Variants in PLEKHA2 observed in about 807,000 individuals in gnomAD.
PLEKHA2 encodes pleckstrin homology domain containing A2, also known as pleckstrin homology domain-containing family A member 2.
A neutral mutation model predicts 53.2 loss-of-function variants in PLEKHA2; 28 were observed. That is an observed-to-expected ratio of 0.53 (90% confidence interval 0.39 to 0.72). The LOEUF (loss-of-function observed/expected upper bound fraction) is 0.72. Among genes scored for constraint, PLEKHA2 ranks in the 30% least tolerant of loss-of-function variants. PLEKHA2 has a pLI of 0.00. For missense variants in PLEKHA2, 426 were observed against 537.9 expected (o/e 0.79, Z 2.06); for synonymous variants, 193 against 196.4 (o/e 0.98, Z 0.14).
In PLEKHA2 at chr8:38,969,797, CATGG is replaced by C; in HGVS notation, c.*15_*18del. On this transcript the variant is annotated 3_prime_UTR_variant, in exon 12 of 12. Transcript: ENST00000617275. The stretch of plus-strand genomic sequence containing the variant: ...TCTGATGTGTGATGGAGCACAGTGC[CATGG>C]GAGGGAGGGAGGGAGGGAGGACTTG... 1 of 565,598 alleles carries C rather than the reference CATGG, an allele frequency of 1.8e-6. No individual in the cohort carries two copies. The highest frequency in any genetic ancestry group is 2.0e-5 in the African/African-American group (1 of 48,988). The allele number at this position is 565,598 out of a possible 1,614,324, so 35.0% of individuals were successfully genotyped here.
At chr8:38,966,000 T>C (rs1835127748) in intron 10 of PLEKHA2, among the ~76,000 whole-genome samples, 1 of 152,094 alleles carries the variant, frequency 6.6e-6, no homozygotes, top group Non-Finnish European at 1.5e-5. Flanking sequence ...GGACAAAGGA[T>C]GGGTTTGTCT....
chr8:38,916,990 T>C (rs547806560), intron 1 of PLEKHA2, among the ~76,000 whole-genome samples: 1 of 152,352 alleles, frequency 6.6e-6, no homozygotes, highest in South Asian at 2.1e-4. Context: ...TGATATCTCA[T>C]TGTAGTTTTG....
chr8:38,912,016 T>A (rs1833961625), intron 1 of PLEKHA2, among the ~76,000 whole-genome samples: 1 of 151,750 alleles, frequency 6.6e-6, no homozygotes, highest in Non-Finnish European at 1.5e-5. Context: ...GGTAAGTGAT[T>A]TTGGCTGGGC....
chr8:38,921,150 T>C (rs544658604), intron 2 of PLEKHA2, among the ~76,000 whole-genome samples: 7 of 152,332 alleles, frequency 4.6e-5, no homozygotes, highest in African/African-American at 1.7e-4. Context: ...AGTTAAATGT[T>C]TGTTGCCAGT....
intron 2 of PLEKHA2, among the ~76,000 whole-genome samples, chr8:38,931,602 C>T (rs892168191): frequency 1.3e-5 from 2 of 152,114 alleles, no homozygotes; most frequent in African/African-American, 2.4e-5. Flanking sequence ...CGTTGTTTGC[C>T]GGTGGTGGGC....
intron 2 of PLEKHA2, among the ~76,000 whole-genome samples, chr8:38,926,942 A>G (rs979309015): frequency 6.6e-6 from 1 of 152,318 alleles, no homozygotes; most frequent in South Asian, 2.1e-4. Flanking sequence ...CCAAACAAAC[A>G]AACAAAAAAC....
intron 10 of PLEKHA2, among the ~76,000 whole-genome samples, chr8:38,964,142 T>C (rs1360735103): frequency 6.6e-6 from 1 of 152,168 alleles, no homozygotes; most frequent in Non-Finnish European, 1.5e-5. Context: ...CCTTGGGAGC[T>C]GAGGGTTCCT....
chr8:38,968,923 G>T (rs1835190335), intron 11 of PLEKHA2: 3 of 430,048 alleles, frequency 7.0e-6, no homozygotes, highest in Non-Finnish European at 1.2e-5. Flanking sequence ...TTTTGAGACG[G>T]AGTCTCACTC....
At chr8:38,953,271 A>G in intron 8 of PLEKHA2, 26 bp from the exon 9 acceptor site, 1 of 1,574,702 alleles carries the variant, frequency 6.4e-7, no homozygotes, top group Non-Finnish European at 8.7e-7. Context: ...AGCCTCACTT[A>G]CCTGTCTTTC....
intron 11 of PLEKHA2, 94 bp from the exon 12 acceptor site, chr8:38,969,327 A>G: frequency 7.0e-7 from 1 of 1,427,886 alleles, no homozygotes; most frequent in South Asian, 1.3e-5. Flanking sequence ...TGAGGTGGTG[A>G]TCCTGGTTGG....
At chr8:38,936,108 G>A (rs1225595596) in intron 3 of PLEKHA2, 58 bp downstream of exon 3, 4 of 1,554,156 alleles carry the variant, frequency 2.6e-6, no homozygotes, top group African/African-American at 2.7e-5. Flanking sequence ...TGGTTTCTAA[G>A]CAAGGGGAAG....
chr8:38,939,961 G>A (rs987021941), intron 3 of PLEKHA2, among the ~76,000 whole-genome samples: 1 of 152,070 alleles, frequency 6.6e-6, no homozygotes, highest in African/African-American at 2.4e-5. Context: ...TGAGCATGGT[G>A]GTGAGTGTCT....
At chr8:38,948,623 A>G (rs769688735) in intron 5 of PLEKHA2, among the ~76,000 whole-genome samples, 9 of 152,170 alleles carry the variant, frequency 5.9e-5, no homozygotes, top group Non-Finnish European at 1.3e-4. Context: ...GCCCAGCATA[A>G]TCAGGGTGCT....
At chr8:38,948,892 A>C (rs1404969187) in intron 5 of PLEKHA2, among the ~76,000 whole-genome samples, 1 of 152,070 alleles carries the variant, frequency 6.6e-6, no homozygotes, top group African/African-American at 2.4e-5. Context: ...TTGTTTTGAA[A>C]CGGAGTCTCG....
In PLEKHA2 at chr8:38,952,240, C is replaced by T. The variant is rs756811257; in HGVS notation, c.561C>T (p.Pro187=). The T allele has an allele frequency of 3.7e-6, 6 of 1,612,754 alleles. No individual in the cohort carries two copies. The highest frequency in any genetic ancestry group is 5.1e-6 in the Non-Finnish European group (6 of 1,179,540). Residue 187 remains proline, a synonymous_variant, in exon 7 of 12, where the codon CCC becomes CCT. Transcript: ENST00000617275. ...TILRRSQSYI[P]TSGCRASTGP... ...TTCGAAGGTCTCAGAGTTACATCCC[C>T]ACGTCAGGCTGCCGTGCTTCCACTG...
In PLEKHA2 at chr8:38,951,469, GTTTTTTTTTTT is replaced by G. The variant is rs144541661; in HGVS notation, c.486+493_486+503del. Reference sequence around the variant, plus strand: ...GTTTTAATTATTTATATTTATTTAAGTTTTTTTTTTTTTTTTTTTTTTTTGAGATGGGGTGT... The same window carrying G: ...GTTTTAATTATTTATATTTATTTAAGTTTTTTTTTTTTTGAGATGGGGTGT... On this transcript the variant is annotated intron_variant, in intron 6 of 11. Transcript: ENST00000617275. 5.4e-5 allele frequency among the ~76,000 whole-genome samples: 5 copies of G among 91,822 alleles called. No individual in the cohort carries two copies. The East Asian group carries it at 9.5e-4, about 17-fold the overall frequency. The allele number at this position is 91,822 out of a possible 152,430, so 60.2% of individuals were successfully genotyped here. A position where few individuals can be genotyped will look rare whatever the true frequency, so the allele number is the denominator to read the frequency against.
At position 38,946,215 on chromosome 8, in the gene PLEKHA2, G is replaced by C. The variant is rs1459671669; in HGVS notation, c.339G>C (p.Lys113Asn). Residue 113 changes from lysine (K) to asparagine (N), a missense_variant, in exon 5 of 12, where the codon AAG becomes AAC. Coordinates refer to ENST00000617275, the MANE Select transcript of PLEKHA2 (RefSeq NM_021623.2). ...TTGAAGCCCTGAACCAAGCCAGCAA[G>C]ATCACCGTAAGTTTGGTTTCTTCTG... ...DWVEALNQAS[K>N]ITVPKGGGLP... 6.3e-7 allele frequency: 1 copy of C among 1,599,758 alleles called. No individual in the cohort carries two copies. Among genetic ancestry groups the C allele is most frequent in the East Asian group, 2.2e-5 (1 of 44,548 alleles).
At chr8:38,923,776 G>A (rs1834234777) in intron 2 of PLEKHA2, among the ~76,000 whole-genome samples, 1 of 152,176 alleles carries the variant, frequency 6.6e-6, no homozygotes, top group Admixed American at 6.5e-5. Flanking sequence ...TGAAGGGTGT[G>A]TGAGGTTCAT....
chr8:38,915,347 C>T (rs899759287), intron 1 of PLEKHA2, among the ~76,000 whole-genome samples: 8 of 152,340 alleles, frequency 5.3e-5, no homozygotes, highest in East Asian at 1.9e-4. Flanking sequence ...ATCGCTTAAA[C>T]GGCAGAAGTT....
Sources: gnomAD v4.1 joint callset for allele counts (sites outside exome capture counted in the v4.1 genomes callset) on GRCh38, gnomAD v4.1.1 for gene constraint, MANE v1.5 for transcripts, NCBI Gene and HGNC (gene_info 2026-07-23, HGNC 2026-07-21) for gene names.